Variants in FREM2 observed in about 807,000 individuals in gnomAD.
The protein encoded by FREM2 is FRAS1-related extracellular matrix protein 2.
FREM2 carries 119 observed loss-of-function variants against 219.9 expected under a neutral mutation model. The observed-to-expected ratio is 0.54, with a 90% confidence interval of 0.47 to 0.63. The LOEUF is 0.63. Ranked by LOEUF, FREM2 falls within the 30% of genes least tolerant of loss-of-function variation. The pLI is 0.00. For missense variants in FREM2, 4,030 were observed against 3,993.6 expected, an observed-to-expected ratio of 1.01 and a Z score of -0.25; for synonymous variants, 1,562 against 1,522.8, an observed-to-expected ratio of 1.03 and a Z score of -0.60.
chr13:38,733,474 T>C (rs746109673), intron 2 of FREM2, among the ~76,000 whole-genome samples: 5 of 152,080 alleles, frequency 3.3e-5, no homozygotes, highest in Non-Finnish European at 5.9e-5. Context: ...AAACTGATAT[T>C]TTCTATTGTA....
At chr13:38,849,956 A>G in intron 8 of FREM2, 82 bp from the exon 9 acceptor site, 1 of 1,120,358 alleles carries the variant, frequency 8.9e-7, no homozygotes, top group Non-Finnish European at 1.3e-6. Context: ...ACTTTCCATT[A>G]TTCTTTCCAC....
rs1338643768 is a variant in FREM2 at position 38,874,465 on chromosome 13, T to C, written c.8177-17T>C. On this transcript the variant is annotated splice_polypyrimidine_tract_variant and intron_variant, in intron 17 of 23. Coordinates refer to ENST00000280481, the MANE Select transcript of FREM2 (RefSeq NM_207361.6). The stretch of plus-strand genomic sequence containing the variant: ...TGGCTACATATATTTTCATTCTTGG[T>C]ACTCTCCCCATTATAGGTTCTCTCT... 1.3e-6 allele frequency: 2 copies of C among 1,597,142 alleles called. No individual in the cohort carries two copies. The highest frequency in any genetic ancestry group is 3.3e-5 in the Admixed American group (2 of 59,996).
chr13:38,687,609 C>A lies in FREM2; in HGVS notation c.265C>A (p.Leu89Met), dbSNP rs1049931072. 21 of 1,609,322 alleles carry A rather than the reference C, an allele frequency of 1.3e-5. No individual in the cohort carries two copies. The highest frequency in any genetic ancestry group is 1.6e-5 in the Non-Finnish European group (19 of 1,178,180). Residue 89 changes from leucine (L) to methionine (M), a missense_variant, in exon 1 of 24, where the codon CTG becomes ATG. Leu to Met is a conservative substitution (Grantham distance 15). This residue lies in a region of FREM2 where 3,102 missense variants were observed against 2,950.7 expected (regional missense o/e 1.05). Transcript: ENST00000280481. ...GGTGCCTTTCGGCCGTGAAGTCTGG[C>A]TGGATCCCCTGCATGACCTGGTGTT... ...LRVPFGREVW[L>M]DPLHDLVLQV...
chr13:38,831,493 T>C (rs1197261883), intron 6 of FREM2, among the ~76,000 whole-genome samples: 3 of 152,224 alleles, frequency 2.0e-5, no homozygotes, highest in South Asian at 2.1e-4. Context: ...TAGACATGTA[T>C]TGACTTTTCT....
chr13:38,714,675 C>A (rs763427960), intron 2 of FREM2, among the ~76,000 whole-genome samples: 1 of 152,112 alleles, frequency 6.6e-6, no homozygotes, highest in Non-Finnish European at 1.5e-5. Flanking sequence ...ACAATATATA[C>A]ATACTTCAAC....
At chr13:38,767,836 A>G (rs1189488480) in intron 3 of FREM2, among the ~76,000 whole-genome samples, 1 of 152,186 alleles carries the variant, frequency 6.6e-6, no homozygotes, top group East Asian at 1.9e-4. Flanking sequence ...ATCATGTTTT[A>G]CCTGCTACTG....
chr13:38,796,197 T>C (rs1210050841), intron 6 of FREM2, among the ~76,000 whole-genome samples: 1 of 152,118 alleles, frequency 6.6e-6, no homozygotes, highest in Non-Finnish European at 1.5e-5. Flanking sequence ...GCCATCACTG[T>C]TGGAGCTGGA....
chr13:38,878,935 T>C lies in FREM2; in HGVS notation c.8964T>C (p.Pro2988=). ...AAGCCATTCTCTTAGTGAATCAGCC[T>C]GGATCTGATGGATTTAAAGTCGACT... ...DPEAILLVNQ[P]GSDGFKVDST... The change falls in exon 23 of 24, where the codon CCT becomes CCC. Residue 2988 remains proline (P), a synonymous_variant. Coordinates refer to ENST00000280481, the MANE Select transcript of FREM2 (RefSeq NM_207361.6). 2.5e-6 allele frequency: 4 copies of C among 1,614,158 alleles called. No individual in the cohort carries two copies. Among genetic ancestry groups the C allele is most frequent in the Non-Finnish European group, 3.4e-6 (4 of 1,179,992 alleles).
At chr13:38,694,094 G>A (rs1870009711) in intron 1 of FREM2, among the ~76,000 whole-genome samples, 1 of 152,166 alleles carries the variant, frequency 6.6e-6, no homozygotes, top group Non-Finnish European at 1.5e-5. Context: ...ATGAAGACAG[G>A]CAAATGATTT....
intron 1 of FREM2, 115 bp from the exon 2 acceptor site, chr13:38,697,583 G>A (rs1870163170): frequency 2.8e-6 from 2 of 706,474 alleles, no homozygotes; most frequent in Non-Finnish European, 2.5e-6. Context: ...TCTGTTAGGA[G>A]GAAAAAGGAA....
chr13:38,731,115 T>A (rs1245428718), intron 2 of FREM2, among the ~76,000 whole-genome samples: 1 of 152,204 alleles, frequency 6.6e-6, no homozygotes, highest in East Asian at 1.9e-4. Flanking sequence ...CCAAATTTTG[T>A]ACCTGAACAT....
At chr13:38,805,245 G>A (rs1345668698) in intron 6 of FREM2, among the ~76,000 whole-genome samples, 1 of 151,814 alleles carries the variant, frequency 6.6e-6, no homozygotes, top group Non-Finnish European at 1.5e-5. Context: ...AGAAATGTAG[G>A]GTAAGGAGGT....
At position 38,881,725 on chromosome 13, in the gene FREM2, G is replaced by A. The variant is rs923641647; in HGVS notation, c.*938G>A. The A allele has an allele frequency of 2.0e-5, 3 of 152,612 alleles. No individual in the cohort carries two copies. Among genetic ancestry groups the A allele is most frequent in the Non-Finnish European group, 4.4e-5 (3 of 68,034 alleles). The allele number at this position is 152,612 out of a possible 1,614,324, so 9.5% of individuals were successfully genotyped here. A position where few individuals can be genotyped will look rare whatever the true frequency, so the allele number is the denominator to read the frequency against. On this transcript the variant is annotated 3_prime_UTR_variant, in exon 24 of 24. Transcript: ENST00000280481. ...AATAAGAAACATTGTTACAGATGGT[G>A]AAGGGAGAAAGTGGTATTTATTAAT...
intron 6 of FREM2, among the ~76,000 whole-genome samples, chr13:38,799,981 T>G (rs1874948093): frequency 6.6e-6 from 1 of 152,208 alleles, no homozygotes; most frequent in African/African-American, 2.4e-5. Context: ...AAATTATGAT[T>G]GATATATGCG....
intron 2 of FREM2, among the ~76,000 whole-genome samples, chr13:38,717,393 T>A (rs903659835): frequency 2.0e-5 from 3 of 148,128 alleles, no homozygotes; most frequent in African/African-American, 7.4e-5. Flanking sequence ...TGCAGTCCGA[T>A]TAGAATTTTA....
chr13:38,810,492 C>T (rs998482790), intron 6 of FREM2, among the ~76,000 whole-genome samples: 4 of 151,738 alleles, frequency 2.6e-5, no homozygotes, highest in South Asian at 2.1e-4. Context: ...ATATATGTTC[C>T]GTCTATACCC....
chr13:38,807,054 T>A lies in FREM2; in HGVS notation c.6019+22246T>A, dbSNP rs72621299. On this transcript the variant is annotated intron_variant, in intron 6 of 23. Coordinates refer to ENST00000280481, the MANE Select transcript of FREM2 (RefSeq NM_207361.6). ...GCTCCAATTCTAGCTCTCTTGCTTT[T>A]TTTGCCACATCTGTAGTTACTTCCT... Among the ~76,000 whole-genome samples, 93 of 150,746 alleles carry A rather than the reference T, an allele frequency of 6.2e-4. 6 individuals are homozygous for A. The East Asian group carries it at 0.019, about 30-fold the overall frequency.
chr13:38,880,586 C>T lies in FREM2; in HGVS notation c.9309C>T (p.Asn3103=). 1.9e-6 allele frequency: 3 copies of T among 1,614,084 alleles called. No homozygotes were observed. Among genetic ancestry groups the T allele is most frequent in the Non-Finnish European group, 2.5e-6 (3 of 1,179,914 alleles). The stretch of plus-strand genomic sequence containing the variant: ...ATGGCATCCTCCCCTGGGAGCTCAA[C>T]AGCCCCAGCTCTGCAGTCAGCCTGG... The part of the protein sequence containing the change: ...PPDGILPWEL[N]SPSSAVSLVT... Residue 3103 remains asparagine, a synonymous_variant, in exon 24 of 24, where the codon AAC becomes AAT. Coordinates refer to ENST00000280481, the MANE Select transcript of FREM2 (RefSeq NM_207361.6).
chr13:38,828,735 TA>T (rs535099456), intron 6 of FREM2, among the ~76,000 whole-genome samples: 3 of 151,732 alleles, frequency 2.0e-5, no homozygotes, highest in East Asian at 1.9e-4. Context: ...TAAATTAATT[TA>T]AAAAAAATTT....
Sources: gnomAD v4.1 joint callset for allele counts (sites outside exome capture counted in the v4.1 genomes callset) on GRCh38, gnomAD v4.1.1 for gene constraint, gnomAD v4.1.1 regional missense constraint, MANE v1.5 for transcripts, NCBI Gene and HGNC (gene_info 2026-07-23, HGNC 2026-07-21) for gene names.